NBEA: variants seen among roughly 807,000 people sequenced by gnomAD.
The protein encoded by NBEA is lysosomal-trafficking regulator 2.
A neutral mutation model predicts 343.4 loss-of-function variants in NBEA; 44 were observed. That is an observed-to-expected ratio of 0.13 (90% CI 0.10 to 0.16). The LOEUF is 0.16. Ranked by LOEUF, NBEA falls within the 10% of genes least tolerant of loss-of-function variation. The pLI, the probability that NBEA is intolerant of heterozygous loss-of-function variation, is 1.00. For synonymous variants in NBEA, 1,175 were observed against 1,238.7 expected (o/e 0.95, Z 1.08); for missense variants, 2,555 against 3,631.3 (o/e 0.70, Z 7.62).
intron 27 of NBEA, among the ~76,000 whole-genome samples, chr13:35,175,525 A>T (rs1196403801): frequency 6.6e-6 from 1 of 152,198 alleles, no homozygotes; most frequent in Non-Finnish European, 1.5e-5. Flanking sequence ...AAAGATTTTT[A>T]TAACTAGTAT....
chr13:35,415,154 T>C, intron 38 of NBEA, among the ~76,000 whole-genome samples: 1 of 152,232 alleles, frequency 6.6e-6, no homozygotes, highest in Non-Finnish European at 1.5e-5. Context: ...GATGAGTAGA[T>C]TGCAGAAATT....
chr13:35,187,166 T>G (rs528143597), intron 30 of NBEA, among the ~76,000 whole-genome samples: 2 of 152,020 alleles, frequency 1.3e-5, no homozygotes, highest in African/African-American at 4.8e-5. Context: ...AAAAGTAAAT[T>G]TTCACAAATA....
At chr13:35,257,301 T>G (rs2032723900) in intron 34 of NBEA, among the ~76,000 whole-genome samples, 1 of 152,242 alleles carries the variant, frequency 6.6e-6, no homozygotes, top group South Asian at 2.1e-4. Context: ...TGTTTTTGGA[T>G]GCTAACTGTT....
At chr13:35,071,146 C>CTTA (rs1246614724) in intron 10 of NBEA, among the ~76,000 whole-genome samples, 2 of 151,936 alleles carry the variant, frequency 1.3e-5, no homozygotes, top group Non-Finnish European at 2.9e-5. Context: ...TAATCCTGAC[C>CTTA]TTATCATTTG....
chr13:35,352,127 T>G (rs2040229892), intron 37 of NBEA, 30 bp from the exon 38 acceptor site: 1 of 1,336,342 alleles, frequency 7.5e-7, no homozygotes, highest in African/African-American at 1.5e-5. Context: ...AAAAAGTTTA[T>G]TATTATGCAT....
chr13:35,024,515 A>C (rs922399884), intron 1 of NBEA, among the ~76,000 whole-genome samples: 4 of 151,842 alleles, frequency 2.6e-5, no homozygotes, highest in Admixed American at 6.6e-5. Context: ...CCACTGAAAA[A>C]AAAACAAAAC....
At chr13:35,512,778 AAC>A (rs2077327217) in intron 41 of NBEA, among the ~76,000 whole-genome samples, 1 of 152,188 alleles carries the variant, frequency 6.6e-6, no homozygotes, top group Non-Finnish European at 1.5e-5. Context: ...ACTATTGGCA[AAC>A]CTCTGGATTA....
chr13:35,277,354 G>T (rs536199395), intron 34 of NBEA, among the ~76,000 whole-genome samples: 1 of 152,004 alleles, frequency 6.6e-6, no homozygotes, highest in Non-Finnish European at 1.5e-5. Context: ...GGGCGCGGTG[G>T]CTCACTACTG....
chr13:35,048,719 TTAAG>T (rs1241620719), intron 5 of NBEA, 35 bp downstream of exon 5: 2 of 1,131,848 alleles, frequency 1.8e-6, no homozygotes, highest in Admixed American at 2.4e-5. Context: ...ACTTTTTTCT[TTAAG>T]TACTTGAATT....
chr13:35,482,624 T>TA (rs1321919310), intron 41 of NBEA, among the ~76,000 whole-genome samples: 103 of 143,702 alleles, frequency 7.2e-4, no homozygotes, highest in Admixed American at 1.1e-3. Context: ...TGTTCCTGAT[T>TA]AAAAAAAAAA....
chr13:35,623,547 C>A (rs1329818276), intron 48 of NBEA, among the ~76,000 whole-genome samples: 1 of 151,972 alleles, frequency 6.6e-6, no homozygotes, highest in Non-Finnish European at 1.5e-5. Context: ...ATAAAAAAGA[C>A]AAAATTATTT....
At position 35,349,317 on chromosome 13, in the gene NBEA, C is replaced by A. The variant is rs2040051162; in HGVS notation, c.6012+101C>A. 3 of 537,198 alleles carry A rather than the reference C, an allele frequency of 5.6e-6. No homozygotes were observed. In the African/African-American group the frequency reaches 5.8e-5, roughly 10 times the overall value. 33.3% of individuals were successfully genotyped at this position (537,198 alleles called of 1,614,324 possible). A position where few individuals can be genotyped will look rare whatever the true frequency, so the allele number is the denominator to read the frequency against. On this transcript the variant is annotated intron_variant, in intron 37 of 58. Transcript: ENST00000379939. ...GAAGGTTTTTTTAAAAGGAAAATTTCACTGAAGGCATTTCTGTTCCTGTTT... is the reference window on the plus strand; with the variant it reads ...GAAGGTTTTTTTAAAAGGAAAATTTAACTGAAGGCATTTCTGTTCCTGTTT...
intron 44 of NBEA, among the ~76,000 whole-genome samples, chr13:35,559,324 G>C (rs1334334580): frequency 6.6e-6 from 1 of 152,104 alleles, no homozygotes; most frequent in African/African-American, 2.4e-5. Flanking sequence ...AGTTGTACCA[G>C]TATCACTTTA....
intron 41 of NBEA, among the ~76,000 whole-genome samples, chr13:35,547,938 A>C (rs1326931549): frequency 1.3e-5 from 2 of 151,708 alleles, no homozygotes. Context: ...GAGGTGTCCC[A>C]ACAGAAACAC....
chr13:35,595,248 A>G (rs1293283718), intron 47 of NBEA, among the ~76,000 whole-genome samples: 1 of 152,032 alleles, frequency 6.6e-6, no homozygotes, highest in Non-Finnish European at 1.5e-5. Context: ...CTGGGTTCAC[A>G]TCATCCAGGA....
At chr13:35,426,785 A>G (rs1489568794) in intron 38 of NBEA, among the ~76,000 whole-genome samples, 1 of 152,124 alleles carries the variant, frequency 6.6e-6, no homozygotes, top group Non-Finnish European at 1.5e-5. Flanking sequence ...AGGTACACCA[A>G]TCAGACATAG....
At chr13:35,646,630 GAC>G (rs1486588264) in intron 51 of NBEA, among the ~76,000 whole-genome samples, 1 of 152,146 alleles carries the variant, frequency 6.6e-6, no homozygotes, top group African/African-American at 2.4e-5. Context: ...CAGGCATAGA[GAC>G]ACACACTGAC....
At chr13:35,170,841 T>A (rs1274910880) in intron 25 of NBEA, among the ~76,000 whole-genome samples, 1 of 151,896 alleles carries the variant, frequency 6.6e-6, no homozygotes, top group Non-Finnish European at 1.5e-5. Context: ...TTATTCATCA[T>A]ACATCTATAG....
intron 31 of NBEA, among the ~76,000 whole-genome samples, chr13:35,197,752 T>C (rs1423856760): frequency 6.6e-6 from 1 of 152,212 alleles, no homozygotes; most frequent in East Asian, 1.9e-4. Context: ...CACCCGCCTT[T>C]GCCTCCCAAA....
Sources: allele counts gnomAD v4.1 joint callset (sites outside exome capture counted in the v4.1 genomes callset), GRCh38; gene constraint gnomAD v4.1.1; transcripts MANE v1.5; gene names NCBI Gene and HGNC (gene_info 2026-07-23, HGNC 2026-07-21).